The following KCNMA1 variants were observed in gnomAD, a reference collection of about 807,000 sequenced individuals.
KCNMA1 encodes potassium calcium-activated channel subfamily M alpha 1.
A neutral mutation model predicts 140.0 loss-of-function variants in KCNMA1; 29 were observed. The observed-to-expected ratio is 0.21, with a 90% confidence interval of 0.15 to 0.28. KCNMA1 has a LOEUF of 0.28. Ranked by LOEUF, KCNMA1 falls within the 10% of genes least tolerant of loss-of-function variation. KCNMA1 has a pLI of 1.00. For synonymous variants in KCNMA1, 612 were observed against 611.9 expected (o/e 1.00, Z 0.00); for missense variants, 880 against 1,602.2 (o/e 0.55, Z 7.70).
chr10:77,599,755 G>C (rs2082052637), intron 1 of KCNMA1, among the ~76,000 whole-genome samples: 2 of 152,144 alleles, frequency 1.3e-5, no homozygotes, highest in South Asian at 4.2e-4. Context: ...GCAAAACAAG[G>C]GGATGCCTCT....
rs768871192 is a variant in KCNMA1 at position 77,120,945 on chromosome 10, GA to G, written c.884+27del. 9.3e-6 allele frequency: 13 copies of G among 1,405,078 alleles called. 1 individual carries two copies. Among genetic ancestry groups the G allele is most frequent in the Admixed American group, 1.7e-5 (1 of 59,630 alleles). The allele number at this position is 1,405,078 out of a possible 1,614,324, so 87.0% of individuals were successfully genotyped here. Reference sequence around the variant, plus strand: ...GCAACTTGGCATAGGGGACTGGAATGAAAAAAATATGACGAAGAACATCTTA... The same window carrying G: ...GCAACTTGGCATAGGGGACTGGAATGAAAAAATATGACGAAGAACATCTTA... On this transcript the variant is annotated intron_variant, in intron 6 of 27. Coordinates refer to ENST00000286628, the MANE Select transcript of KCNMA1 (RefSeq NM_001161352.2).
intron 14 of KCNMA1, among the ~76,000 whole-genome samples, chr10:77,062,907 G>A (rs949477806): frequency 9.9e-5 from 15 of 152,162 alleles, no homozygotes; most frequent in African/African-American, 1.9e-4. Context: ...ATGTTGTAGC[G>A]TTCTGGCCCT....
At chr10:77,058,431 C>T (rs1462798641) in intron 14 of KCNMA1, among the ~76,000 whole-genome samples, 1 of 152,012 alleles carries the variant, frequency 6.6e-6, no homozygotes, top group Non-Finnish European at 1.5e-5. Context: ...ATTTATAGAA[C>T]ACTCTGCCCA....
chr10:77,342,673 A>T lies in KCNMA1; in HGVS notation c.540+61189T>A, dbSNP rs190063834. On this transcript the variant is annotated intron_variant, in intron 2 of 27. Transcript: ENST00000286628. ...ATGAAAGGTGCTATTATCAGAAGCC[A>T]TGCCTGCTTGCAAACTACAGAGGTG... is the stretch of plus-strand genomic sequence containing the variant. 3.1e-3 allele frequency among the ~76,000 whole-genome samples: 472 copies of T among 152,334 alleles called. 1 individual carries two copies. Among genetic ancestry groups the T allele is most frequent in the Admixed American group, 7.4e-3 (113 of 15,308 alleles).
chr10:77,045,162 A>C (rs2094967305), intron 14 of KCNMA1, among the ~76,000 whole-genome samples: 1 of 152,192 alleles, frequency 6.6e-6, no homozygotes, highest in African/African-American at 2.4e-5. Flanking sequence ...TGTTCCCCAC[A>C]TTTGTGTTGT....
At chr10:77,271,186 A>T (rs1184644545) in intron 2 of KCNMA1, among the ~76,000 whole-genome samples, 1 of 152,236 alleles carries the variant, frequency 6.6e-6, no homozygotes, top group Non-Finnish European at 1.5e-5. Context: ...TTTGTTAATT[A>T]AAGTTAAACA....
At chr10:77,540,537 G>A (rs1402158329) in intron 1 of KCNMA1, among the ~76,000 whole-genome samples, 2 of 152,178 alleles carry the variant, frequency 1.3e-5, no homozygotes, top group East Asian at 3.8e-4. Context: ...AATATTAATT[G>A]TAGTGCTGGC....
intron 5 of KCNMA1, among the ~76,000 whole-genome samples, chr10:77,131,958 C>T (rs1223668806): frequency 2.3e-5 from 2 of 88,746 alleles, no homozygotes; most frequent in African/African-American, 4.5e-5. Flanking sequence ...GAGCAAGACT[C>T]GGTCTCAAAA....
chr10:77,355,596 C>T (rs2093405818), intron 2 of KCNMA1, among the ~76,000 whole-genome samples: 1 of 152,140 alleles, frequency 6.6e-6, no homozygotes, highest in Non-Finnish European at 1.5e-5. Flanking sequence ...TTGATAAAGA[C>T]ACCAAAGGAT....
intron 5 of KCNMA1, among the ~76,000 whole-genome samples, chr10:77,145,225 G>A (rs1479890311): frequency 1.3e-5 from 2 of 152,144 alleles, no homozygotes; most frequent in Admixed American, 6.6e-5. Flanking sequence ...CTCCACATAC[G>A]AGCCACATGC....
chr10:77,541,679 T>G (rs1234826667), intron 1 of KCNMA1, among the ~76,000 whole-genome samples: 1 of 152,122 alleles, frequency 6.6e-6, no homozygotes, highest in Admixed American at 6.5e-5. Context: ...GAATGGATCA[T>G]GAGTCACTAA....
chr10:77,373,128 A>C (rs1212916615), intron 2 of KCNMA1, among the ~76,000 whole-genome samples: 1 of 152,196 alleles, frequency 6.6e-6, no homozygotes, highest in Non-Finnish European at 1.5e-5. Context: ...TTTGTTTCTA[A>C]TTTAGCAATC....
intron 1 of KCNMA1, among the ~76,000 whole-genome samples, chr10:77,551,014 T>C (rs2062713829): frequency 6.6e-6 from 1 of 152,164 alleles, no homozygotes; most frequent in African/African-American, 2.4e-5. Context: ...TATTTTTTTG[T>C]AGAAACAGGG....
At chr10:77,189,961 T>C (rs1276025980) in intron 3 of KCNMA1, among the ~76,000 whole-genome samples, 1 of 152,186 alleles carries the variant, frequency 6.6e-6, no homozygotes, top group East Asian at 1.9e-4. Context: ...TTCTAAAACC[T>C]AAACTCATTC....
intron 2 of KCNMA1, among the ~76,000 whole-genome samples, chr10:77,329,131 C>T (rs368330380): frequency 1.1e-4 from 16 of 152,076 alleles, no homozygotes; most frequent in East Asian, 3.9e-4. Flanking sequence ...TGAGCCACTG[C>T]GCCCGGTCAA....
intron 14 of KCNMA1, among the ~76,000 whole-genome samples, chr10:77,043,835 G>T (rs926448789): frequency 6.6e-6 from 1 of 152,206 alleles, no homozygotes; most frequent in Non-Finnish European, 1.5e-5. Flanking sequence ...GCCAGGGGTT[G>T]CAGGGAGAGG....
In KCNMA1 at chr10:76,886,836, A is replaced by G. The variant is rs2037220109; in HGVS notation, c.*430T>C. The G allele has an allele frequency of 9.3e-7, 1 of 1,077,876 alleles. No homozygotes were observed. The highest frequency in any genetic ancestry group is 1.7e-5 in the African/African-American group (1 of 60,060). 66.8% of individuals were successfully genotyped at this position (1,077,876 alleles called of 1,614,324 possible). A position where few individuals can be genotyped will look rare whatever the true frequency, so the allele number is the denominator to read the frequency against. On this transcript the variant is annotated 3_prime_UTR_variant, in exon 28 of 28. Coordinates refer to ENST00000286628, the MANE Select transcript of KCNMA1 (RefSeq NM_001161352.2). ...ATTGTGTGTATAAAAAAAGAAAGAAAGGAAAACAACAACAACAACAAAATC... is the reference window on the plus strand; with the variant it reads ...ATTGTGTGTATAAAAAAAGAAAGAAGGGAAAACAACAACAACAACAAAATC...
chr10:77,093,133 C>T (rs1490666844), intron 9 of KCNMA1, among the ~76,000 whole-genome samples: 3 of 152,122 alleles, frequency 2.0e-5, no homozygotes, highest in Admixed American at 2.0e-4. Context: ...TTGGTGCTAG[C>T]TATCCAATAC....
chr10:77,087,281 C>T (rs1362677812), intron 10 of KCNMA1, among the ~76,000 whole-genome samples: 1 of 152,086 alleles, frequency 6.6e-6, no homozygotes, highest in Non-Finnish European at 1.5e-5. Context: ...TTCCCAGCCT[C>T]TGTAATCAAA....
Sources: gnomAD v4.1 joint callset for allele counts (sites outside exome capture counted in the v4.1 genomes callset) on GRCh38, gnomAD v4.1.1 for gene constraint, MANE v1.5 for transcripts, NCBI Gene and HGNC (gene_info 2026-07-23, HGNC 2026-07-21) for gene names.